The following PCDH15 variants were observed in gnomAD, a reference collection of about 807,000 sequenced individuals.
PCDH15 encodes protocadherin-15.
PCDH15 carries 129 observed loss-of-function variants against 178.5 expected under a neutral mutation model. The ratio of observed to expected loss-of-function variants is 0.72; its 90% CI spans 0.63 to 0.84. The LOEUF (loss-of-function observed/expected upper bound fraction) is 0.84, where lower values mean the gene tolerates loss of function less well. Ranked by LOEUF, PCDH15 falls within the 40% of genes least tolerant of loss-of-function variation. The probability of loss-of-function intolerance (pLI) is 0.00; values close to 1 mark genes in which losing one functional copy is unlikely to be tolerated. For missense variants in PCDH15, 2,230 were observed against 2,099.9 expected (o/e 1.06, Z -1.21); for synonymous variants, 800 against 732.0 (o/e 1.09, Z -1.50).
At chr10:54,653,766 A>G (rs551305816) in intron 2 of PCDH15, among the ~76,000 whole-genome samples, 1 of 152,344 alleles carries the variant, frequency 6.6e-6, no homozygotes, top group South Asian at 2.1e-4. Flanking sequence ...CAAGTTCCTT[A>G]ACTTGAAAAC....
intron 1 of PCDH15, among the ~76,000 whole-genome samples, chr10:54,703,492 C>G (rs939049085): frequency 6.6e-6 from 1 of 151,964 alleles, no homozygotes; most frequent in African/African-American, 2.4e-5. Context: ...ATAGTCTCTG[C>G]CCAAAAGCAC....
chr10:55,589,273 T>C (rs1842789045), intron 2 of PCDH15, among the ~76,000 whole-genome samples: 4 of 152,112 alleles, frequency 2.6e-5, no homozygotes, highest in African/African-American at 7.2e-5. Flanking sequence ...TTTCTACATA[T>C]GGCTAGCCAG....
intron 28 of PCDH15, among the ~76,000 whole-genome samples, chr10:53,847,226 T>C (rs1014856822): frequency 2.6e-5 from 4 of 152,072 alleles, no homozygotes; most frequent in African/African-American, 9.6e-5. Context: ...CCTGTTGTGA[T>C]GGTTACAAGA....
intron 3 of PCDH15, among the ~76,000 whole-genome samples, chr10:54,823,624 G>C (rs1953082463): frequency 6.6e-6 from 1 of 152,050 alleles, no homozygotes; most frequent in Non-Finnish European, 1.5e-5. Context: ...TAAAGTCAGA[G>C]CTATTAATGG....
At chr10:55,175,025 A>T (rs1839439416) in intron 1 of PCDH15, among the ~76,000 whole-genome samples, 1 of 149,452 alleles carries the variant, frequency 6.7e-6, no homozygotes, top group South Asian at 2.1e-4. Context: ...TACAAACAGC[A>T]GAGAAGTTTG....
chr10:55,140,121 T>G (rs758522442), intron 2 of PCDH15, among the ~76,000 whole-genome samples: 1 of 152,014 alleles, frequency 6.6e-6, no homozygotes, highest in African/African-American at 2.4e-5. Flanking sequence ...TTTGGTCTCC[T>G]GTGACGTTAC....
intron 2 of PCDH15, among the ~76,000 whole-genome samples, chr10:55,454,541 G>T (rs1393244145): frequency 6.6e-6 from 1 of 151,582 alleles, no homozygotes; most frequent in Non-Finnish European, 1.5e-5. Context: ...ACTTTGGGAG[G>T]CTGAGGTGGG....
At chr10:55,311,263 T>C (rs935844296) in intron 1 of PCDH15, among the ~76,000 whole-genome samples, 1 of 152,170 alleles carries the variant, frequency 6.6e-6, no homozygotes, top group Non-Finnish European at 1.5e-5. Flanking sequence ...GGACAGCTTA[T>C]TTACGCTTTT....
intron 2 of PCDH15, among the ~76,000 whole-genome samples, chr10:55,345,086 G>A (rs1844712192): frequency 6.6e-6 from 1 of 151,370 alleles, no homozygotes; most frequent in Non-Finnish European, 1.5e-5. Context: ...ATATCTCTCT[G>A]TTTCTTTGTA....
intron 2 of PCDH15, chr10:54,606,635 C>T (rs890590210): frequency 2.0e-5 from 3 of 152,020 alleles, no homozygotes; most frequent in Non-Finnish European, 2.9e-5. Context: ...GATGCCAGTT[C>T]GGATGCAGGC....
At chr10:55,626,855 G>GAA (rs890904719) in intron 2 of PCDH15, among the ~76,000 whole-genome samples, 2 of 152,154 alleles carry the variant, frequency 1.3e-5, no homozygotes, top group African/African-American at 4.8e-5. Flanking sequence ...GGCAAGGTAG[G>GAA]AAAGAAGTCT....
intron 2 of PCDH15, among the ~76,000 whole-genome samples, chr10:55,099,691 T>A (rs1842530780): frequency 6.6e-6 from 1 of 152,050 alleles, no homozygotes; most frequent in African/African-American, 2.4e-5. Flanking sequence ...GTTTGATTAT[T>A]GTGAAATTTT....
intron 1 of PCDH15, among the ~76,000 whole-genome samples, chr10:54,779,464 G>GTA (rs375675036): frequency 0.13 from 12,487 of 94,412 alleles, 1,088 homozygotes; most frequent in Middle Eastern, 0.23. Context: ...ATATATGTGT[G>GTA]TATATATATA....
intron 3 of PCDH15, among the ~76,000 whole-genome samples, chr10:54,839,601 T>C (rs948096611): frequency 6.6e-6 from 1 of 151,974 alleles, no homozygotes; most frequent in Non-Finnish European, 1.5e-5. Context: ...TTTTAAGAAA[T>C]AATGACTGAT....
intron 1 of PCDH15, among the ~76,000 whole-genome samples, chr10:54,745,043 A>T (rs990635444): frequency 1.3e-5 from 2 of 152,188 alleles, no homozygotes; most frequent in Non-Finnish European, 2.9e-5. Context: ...ATATTTTATG[A>T]CATGAATTAT....
chr10:55,337,906 A>G (rs1844439471), intron 2 of PCDH15, among the ~76,000 whole-genome samples: 1 of 152,220 alleles, frequency 6.6e-6, no homozygotes, highest in Non-Finnish European at 1.5e-5. Flanking sequence ...TTTGAAAACT[A>G]TCCATCTGAC....
At chr10:53,958,776 G>A (rs535943363) in intron 23 of PCDH15, among the ~76,000 whole-genome samples, 7 of 151,870 alleles carry the variant, frequency 4.6e-5, no homozygotes, top group African/African-American at 1.5e-4. Flanking sequence ...GTCAGAGATC[G>A]AGACCATCCT....
chr10:55,178,684 G>T (rs191012728), intron 1 of PCDH15, among the ~76,000 whole-genome samples: 1 of 152,256 alleles, frequency 6.6e-6, no homozygotes, highest in East Asian at 1.9e-4. Flanking sequence ...AGCACTCAAA[G>T]CACCAATGTA....
At chr10:54,693,061 T>G (rs1325889778) in intron 1 of PCDH15, among the ~76,000 whole-genome samples, 1 of 151,934 alleles carries the variant, frequency 6.6e-6, no homozygotes, top group Non-Finnish European at 1.5e-5. Context: ...GGCCCTCGTG[T>G]GTATTGTTCC....
Sources: allele counts gnomAD v4.1 joint callset (sites outside exome capture counted in the v4.1 genomes callset), GRCh38; gene constraint gnomAD v4.1.1; transcripts MANE v1.5; gene names NCBI Gene and HGNC (gene_info 2026-07-23, HGNC 2026-07-21).